Variants in ZNF730 observed in about 807,000 individuals in gnomAD.
ZNF730 encodes putative zinc finger protein 730.
In ZNF730, 12 loss-of-function variants were observed where a neutral mutation model predicts 12.6. The ratio of observed to expected loss-of-function variants is 0.95; its 90% CI spans 0.61 to 1.54. ZNF730 has a LOEUF of 1.54. Among genes scored for constraint, ZNF730 ranks in the 40% most tolerant of loss-of-function variants. The pLI is 0.00. For missense variants in ZNF730, 643 were observed against 583.5 expected, an observed-to-expected ratio of 1.10 and a Z score of -1.05; for synonymous variants, 194 against 195.8, an observed-to-expected ratio of 0.99 and a Z score of 0.08.
intron 1 of ZNF730, among the ~76,000 whole-genome samples, chr19:23,107,150 C>T (rs1391497536): frequency 2.0e-5 from 3 of 150,794 alleles, no homozygotes; most frequent in African/African-American, 4.9e-5. Flanking sequence ...GAAGCCTCCA[C>T]CTCCCAGGTT....
At chr19:23,096,285 A>G (rs1225347429) in intron 1 of ZNF730, among the ~76,000 whole-genome samples, 1 of 152,062 alleles carries the variant, frequency 6.6e-6, no homozygotes, top group East Asian at 1.9e-4. Context: ...GTGACATACC[A>G]CTCTATCAAG....
exon 1 of ZNF730, chr19:23,075,265 C>T (rs1969835683): frequency 6.6e-6 from 1 of 152,618 alleles, no homozygotes; most frequent in Admixed American, 6.6e-5. Context: ...TGTTCCGCGT[C>T]CTCTACCTGG....
chr19:23,077,424 C>CTTT lies in ZNF730; in HGVS notation c.-94+2066_-94+2068dup, dbSNP rs71163442. Among the ~76,000 whole-genome samples, 184 of 45,566 alleles carry CTTT rather than the reference C, an allele frequency of 4.0e-3. 28 individuals are homozygous for CTTT. The highest frequency in any genetic ancestry group is 0.021 in the East Asian group (23 of 1,118). The allele number at this position is 45,566 out of a possible 152,430, so 29.9% of individuals were successfully genotyped here. On this transcript the variant is annotated intron_variant, in intron 1 of 2. Transcript: ENST00000593635. ...AGCTTTTCCCATAATTCCCTAAGAG[C>CTTT]TTTTTTTTTTTTTTTTTTTTTTTTT... is the stretch of plus-strand genomic sequence containing the variant.
Position 23,096,038 on chromosome 19 carries a change from C to T in ZNF730, c.-94+20651C>T, listed in dbSNP as rs190445024. Among the ~76,000 whole-genome samples the T allele has an allele frequency of 4.6e-5, 7 of 152,248 alleles. 1 individual carries two copies. In the East Asian group the frequency reaches 1.4e-3, roughly 29 times the overall value. On this transcript the variant is annotated intron_variant, in intron 1 of 2. Coordinates refer to the ZNF730 transcript ENST00000593635. ...TACAAGATACGACTCTCTTCTTACA[C>T]CTGGGCCACTGGGGTGATTTTGACA...
intron 1 of ZNF730, among the ~76,000 whole-genome samples, chr19:23,108,436 G>A (rs560914887): frequency 1.3e-5 from 2 of 152,146 alleles, no homozygotes; most frequent in South Asian, 4.1e-4. Flanking sequence ...CATGAGTGCT[G>A]CTGAGATTTG....
At chr19:23,097,464 A>G (rs1970272270) in intron 1 of ZNF730, among the ~76,000 whole-genome samples, 1 of 152,066 alleles carries the variant, frequency 6.6e-6, no homozygotes, top group African/African-American at 2.4e-5. Context: ...GAAAACTGAA[A>G]TATTGCTGGG....
At chr19:23,078,152 C>A (rs1969900326) in intron 1 of ZNF730, among the ~76,000 whole-genome samples, 3 of 152,094 alleles carry the variant, frequency 2.0e-5, no homozygotes, top group African/African-American at 7.2e-5. Context: ...CCCAGCCTGA[C>A]ATGGGTAAAG....
intron 1 of ZNF730, among the ~76,000 whole-genome samples, chr19:23,100,905 C>T (rs1277286987): frequency 6.6e-6 from 1 of 152,120 alleles, no homozygotes; most frequent in Non-Finnish European, 1.5e-5. Flanking sequence ...CTGCCCACCT[C>T]AGCCTCCCAA....
chr19:23,086,135 G>T (rs552140390), intron 1 of ZNF730, among the ~76,000 whole-genome samples: 100 of 152,176 alleles, frequency 6.6e-4, no homozygotes, highest in Middle Eastern at 6.8e-3. Flanking sequence ...GAGCCGCCTT[G>T]CCCGGCCCCA....
chr19:23,143,665 A>G (rs144637796), intron 3 of ZNF730: 39 of 152,318 alleles, frequency 2.6e-4, no homozygotes, highest in African/African-American at 8.7e-4. Context: ...ATTTTGGAAC[A>G]TCATTTTTTC....
intron 1 of ZNF730, chr19:23,128,393 C>T (rs1218314100): frequency 2.2e-6 from 1 of 452,310 alleles, no homozygotes; most frequent in Non-Finnish European, 4.2e-6. Context: ...CATAAGAAAG[C>T]TCATGCTGCT....
At position 23,146,245 on chromosome 19, in the gene ZNF730, T is replaced by G; in HGVS notation, c.1201T>G (p.Cys401Gly). 1.2e-6 allele frequency: 2 copies of G among 1,613,546 alleles called. No homozygotes were observed. Reference protein sequence around the residue: ...TVEKFYKCEECGKAFSRISHL... With the variant: ...TVEKFYKCEEGGKAFSRISHL... ...AGAGAAATTTTACAAATGTGAAGAA[T>G]GTGGCAAAGCCTTTAGCCGTATCTC... Residue 401 changes from cysteine to glycine, a missense_variant, in exon 4 of 4, where the codon TGT becomes GGT. Physicochemically the swap from Cys to Gly is radical, Grantham distance 159 (BLOSUM62 -3). Coordinates refer to ENST00000597761, the MANE Select transcript of ZNF730 (RefSeq NM_001277403.2).
intron 1 of ZNF730, among the ~76,000 whole-genome samples, chr19:23,078,874 G>A (rs1418968055): frequency 6.6e-6 from 1 of 151,678 alleles, no homozygotes; most frequent in Non-Finnish European, 1.5e-5. Flanking sequence ...GCACAATCTC[G>A]GCTCACTGCA....
intron 1 of ZNF730, among the ~76,000 whole-genome samples, chr19:23,103,215 G>T (rs780586762): frequency 4.6e-5 from 7 of 152,270 alleles, no homozygotes; most frequent in Non-Finnish European, 1.0e-4. Flanking sequence ...GAGAATAAAA[G>T]GTGGTTTTGA....
chr19:23,087,362 C>T (rs552697778), intron 1 of ZNF730, among the ~76,000 whole-genome samples: 8 of 151,996 alleles, frequency 5.3e-5, no homozygotes, highest in Admixed American at 1.3e-4. Context: ...GAGTCGAGAT[C>T]GCACCACTGC....
intron 1 of ZNF730, among the ~76,000 whole-genome samples, chr19:23,119,182 T>C (rs1970568572): frequency 6.6e-6 from 1 of 152,248 alleles, no homozygotes; most frequent in Non-Finnish European, 1.5e-5. Flanking sequence ...GGGTTTGTCA[T>C]AGATAACTCA....
chr19:23,114,304 TC>T (rs201484962), upstream of ZNF730, among the ~76,000 whole-genome samples: 17 of 52,012 alleles, frequency 3.3e-4, 2 homozygotes, highest in African/African-American at 4.2e-4. Flanking sequence ...CTTTTTCTTT[TC>T]TTTTTTTTTT....
chr19:23,127,667 C>A, intron 1 of ZNF730: 1 of 1,215,102 alleles, frequency 8.2e-7, no homozygotes, highest in Non-Finnish European at 1.2e-6. Context: ...TACTTTATTC[C>A]GCTCACTAAG....
rs1239640447 is a variant in ZNF730 at position 23,085,842 on chromosome 19, T to C, written c.-94+10455T>C. Among the ~76,000 whole-genome samples the C allele has an allele frequency of 1.9e-4, 16 of 84,024 alleles. No homozygotes were observed. In the East Asian group the frequency reaches 4.2e-3, roughly 22 times the overall value. The allele number at this position is 84,024 out of a possible 152,430, so 55.1% of individuals were successfully genotyped here. A position where few individuals can be genotyped will look rare whatever the true frequency, so the allele number is the denominator to read the frequency against. The stretch of plus-strand genomic sequence containing the variant: ...TTTCACCCAATTTTTTTTTCTTTTT[T>C]TTTTTTTTTTTTTTTTTTTTTGAGA... On this transcript the variant is annotated intron_variant, in intron 1 of 2. Transcript: ENST00000593635.
Sources: gnomAD v4.1 joint callset for allele counts (sites outside exome capture counted in the v4.1 genomes callset) on GRCh38, gnomAD v4.1.1 for gene constraint, MANE v1.5 for transcripts, NCBI Gene and HGNC (gene_info 2026-07-23, HGNC 2026-07-21) for gene names.